EPB41L2: variants seen among roughly 807,000 people sequenced by gnomAD.
The protein encoded by EPB41L2 is erythrocyte membrane protein band 4.1 like 2, also known as band 4.1-like protein 2.
A neutral mutation model predicts 113.0 loss-of-function variants in EPB41L2; 43 were observed. The observed-to-expected ratio is 0.38, with a 90% CI of 0.30 to 0.49. The LOEUF is 0.49. Among genes scored for constraint, EPB41L2 ranks in the 20% least tolerant of loss-of-function variants. The pLI is 0.95. For synonymous variants in EPB41L2, 442 were observed against 436.7 expected (o/e 1.01, Z -0.15); for missense variants, 1,147 against 1,223.4 (o/e 0.94, Z 0.93).
chr6:130,995,611 G>T (rs1782909880), intron 1 of EPB41L2, among the ~76,000 whole-genome samples: 1 of 152,220 alleles, frequency 6.6e-6, no homozygotes, highest in Admixed American at 6.5e-5. Context: ...CTTCAACCTT[G>T]GCAAAACAAG....
chr6:130,939,229 T>C (rs1809931032), intron 3 of EPB41L2, among the ~76,000 whole-genome samples: 1 of 151,946 alleles, frequency 6.6e-6, no homozygotes. Flanking sequence ...ACAAATGAAT[T>C]GCACCTATTT....
intron 1 of EPB41L2, among the ~76,000 whole-genome samples, chr6:131,008,150 T>C (rs1257694523): frequency 1.3e-5 from 2 of 151,882 alleles, no homozygotes; most frequent in Non-Finnish European, 2.9e-5. Context: ...GAGGGAAAAA[T>C]GGTTTTGTGG....
At chr6:131,013,375 T>A (rs1291083963) in intron 1 of EPB41L2, among the ~76,000 whole-genome samples, 1 of 152,110 alleles carries the variant, frequency 6.6e-6, no homozygotes, top group Admixed American at 6.5e-5. Flanking sequence ...AAGCAAAATA[T>A]AAATGCTACT....
intron 1 of EPB41L2, among the ~76,000 whole-genome samples, chr6:130,988,628 G>T (rs1227716358): frequency 6.6e-6 from 1 of 152,118 alleles, no homozygotes. Context: ...GCATCAAGGT[G>T]CTCTAAGAAC....
At chr6:130,994,291 G>A (rs570130537) in intron 1 of EPB41L2, among the ~76,000 whole-genome samples, 2 of 152,250 alleles carry the variant, frequency 1.3e-5, no homozygotes, top group Admixed American at 6.5e-5. Flanking sequence ...ACACTTCAAG[G>A]ACAAGCTGAG....
intron 1 of EPB41L2, among the ~76,000 whole-genome samples, chr6:131,062,851 A>T (rs1251468615): frequency 6.6e-6 from 1 of 151,708 alleles, no homozygotes; most frequent in African/African-American, 2.4e-5. Flanking sequence ...AAGAGGGAAG[A>T]GGGGGACCGC....
chr6:130,994,834 T>C (rs1370061273), intron 1 of EPB41L2, among the ~76,000 whole-genome samples: 1 of 152,118 alleles, frequency 6.6e-6, no homozygotes, highest in East Asian at 1.9e-4. Context: ...CTCACTGAGA[T>C]AAAAGCGTAT....
rs146895009 is a variant in EPB41L2 at position 130,900,105 on chromosome 6, T to C, written c.1149-527A>G. On this transcript the variant is annotated intron_variant, in intron 7 of 19. Coordinates refer to ENST00000337057, the MANE Select transcript of EPB41L2 (RefSeq NM_001431.4). ...TTTAAGCTCCTAAAGAGCAAGATCA[T>C]GTCCCATTAATTTTCACATTCCCCA... is the stretch of plus-strand genomic sequence containing the variant. Among the ~76,000 whole-genome samples the C allele has an allele frequency of 2.0e-4, 31 of 152,336 alleles. No homozygotes were observed. In the East Asian group the frequency reaches 4.6e-3, roughly 23 times the overall value.
intron 14 of EPB41L2, among the ~76,000 whole-genome samples, chr6:130,870,889 G>A (rs1053330652): frequency 6.6e-6 from 1 of 151,684 alleles, no homozygotes; most frequent in African/African-American, 2.4e-5. Context: ...ACATGAAAAT[G>A]TTCATTCCAG....
intron 12 of EPB41L2, chr6:130,881,345 C>G (rs555107291): frequency 6.6e-6 from 1 of 152,250 alleles, no homozygotes; most frequent in East Asian, 1.9e-4. Flanking sequence ...AGCTCAGAGT[C>G]TTTATCAGAT....
At chr6:130,896,126 T>G (rs1409263917) in intron 8 of EPB41L2, among the ~76,000 whole-genome samples, 1 of 152,238 alleles carries the variant, frequency 6.6e-6, no homozygotes, top group Non-Finnish European at 1.5e-5. Flanking sequence ...AAAGGACATT[T>G]TGTCTATCTT....
At chr6:130,868,768 T>C (rs987328798) in intron 15 of EPB41L2, 2 of 152,172 alleles carry the variant, frequency 1.3e-5, no homozygotes, top group African/African-American at 4.8e-5. Context: ...TGAGAGACAC[T>C]GCACTTAGTG....
intron 1 of EPB41L2, among the ~76,000 whole-genome samples, chr6:131,023,278 T>C (rs1789942712): frequency 6.6e-6 from 1 of 152,208 alleles, no homozygotes; most frequent in Non-Finnish European, 1.5e-5. Context: ...CTTCTTAGGA[T>C]GTCAACGGCC....
At chr6:131,025,840 C>T (rs1790743250) in intron 1 of EPB41L2, among the ~76,000 whole-genome samples, 1 of 152,150 alleles carries the variant, frequency 6.6e-6, no homozygotes, top group Admixed American at 6.5e-5. Flanking sequence ...TCCCTGCCAG[C>T]AATCTTGGTC....
chr6:130,897,216 C>T (rs1213545285), intron 8 of EPB41L2, among the ~76,000 whole-genome samples: 3 of 151,468 alleles, frequency 2.0e-5, no homozygotes, highest in African/African-American at 7.3e-5. Flanking sequence ...ATTACAAACT[C>T]TTCTAATTAA....
chr6:130,967,011 T>A (rs534291459), intron 1 of EPB41L2, among the ~76,000 whole-genome samples: 5 of 152,132 alleles, frequency 3.3e-5, no homozygotes, highest in Non-Finnish European at 7.4e-5. Flanking sequence ...TTCCCCTAAG[T>A]AGTTTAAGCT....
At chr6:130,930,699 A>G (rs779863292) in intron 3 of EPB41L2, among the ~76,000 whole-genome samples, 1 of 152,172 alleles carries the variant, frequency 6.6e-6, no homozygotes, top group Non-Finnish European at 1.5e-5. Flanking sequence ...AATCTCAAAA[A>G]ACATACATTA....
At chr6:130,971,188 C>T (rs756507003) in intron 1 of EPB41L2, among the ~76,000 whole-genome samples, 4 of 152,176 alleles carry the variant, frequency 2.6e-5, no homozygotes, top group Non-Finnish European at 5.9e-5. Context: ...TGAGCCACCG[C>T]GTCCGGCCAC....
intron 3 of EPB41L2, among the ~76,000 whole-genome samples, chr6:130,947,247 CTA>C (rs765231048): frequency 5.3e-5 from 8 of 152,276 alleles, no homozygotes; most frequent in Non-Finnish European, 1.0e-4. Flanking sequence ...GTAAGCCAAG[CTA>C]TCACCTCATG....
Sources: gnomAD v4.1 joint callset for allele counts (sites outside exome capture counted in the v4.1 genomes callset) on GRCh38, gnomAD v4.1.1 for gene constraint, MANE v1.5 for transcripts, NCBI Gene and HGNC (gene_info 2026-07-23, HGNC 2026-07-21) for gene names.